The following NRXN1 variants were observed in gnomAD, a reference collection of about 807,000 sequenced individuals.
The protein encoded by NRXN1 is neurexin-1.
A neutral mutation model predicts 150.9 loss-of-function variants in NRXN1; 39 were observed. The ratio of observed to expected loss-of-function variants is 0.26; its 90% confidence interval spans 0.20 to 0.34. The LOEUF is 0.34. NRXN1 is among the 10% of genes least tolerant of loss of function. The pLI, the probability that NRXN1 is intolerant of heterozygous loss-of-function variation, is 1.00. For missense variants in NRXN1, 1,815 were observed against 1,949.9 expected, an observed-to-expected ratio of 0.93 and a Z score of 1.30; for synonymous variants, 924 against 757.0, an observed-to-expected ratio of 1.22 and a Z score of -3.62.
At chr2:50,104,793 T>C (rs1573936297) in intron 18 of NRXN1, among the ~76,000 whole-genome samples, 1 of 152,022 alleles carries the variant, frequency 6.6e-6, no homozygotes, top group South Asian at 2.1e-4. Flanking sequence ...TCTGAGGAAG[T>C]CCAACATGCT....
At chr2:50,578,525 A>G (rs1671772201) in intron 8 of NRXN1, among the ~76,000 whole-genome samples, 1 of 152,148 alleles carries the variant, frequency 6.6e-6, no homozygotes, top group Non-Finnish European at 1.5e-5. Flanking sequence ...CTATAGTACA[A>G]TATCACAACC....
chr2:49,942,612 AT>A lies in NRXN1; in HGVS notation c.4216+1091del, dbSNP rs1491345406. ...CAATATTATTATTATTATTATTATT[AT>A]TTTATTATTATTTTGAGACAAAATC... On this transcript the variant is annotated intron_variant, in intron 22 of 22. Transcript: ENST00000401669. Among the ~76,000 whole-genome samples the A allele has an allele frequency of 2.0e-5, 3 of 149,106 alleles. No individual in the cohort carries two copies. The South Asian group carries it at 6.3e-4, about 31-fold the overall frequency.
intron 2 of NRXN1, among the ~76,000 whole-genome samples, chr2:50,959,547 G>C (rs1410719799): frequency 6.6e-6 from 1 of 151,994 alleles, no homozygotes. Flanking sequence ...TGAACAGGTA[G>C]GTCTATAGAG....
rs34870955 is a variant in NRXN1, at chr2:50,627,357, A to ATGTGTGTGTG, written c.833-3752_833-3743dup. 1.8e-3 allele frequency among the ~76,000 whole-genome samples: 258 copies of ATGTGTGTGTG among 143,622 alleles called. 3 individuals are homozygous for ATGTGTGTGTG. The highest frequency in any genetic ancestry group is 9.1e-3 in the East Asian group (43 of 4,712). The allele number at this position is 143,622 out of a possible 152,430, so 94.2% of individuals were successfully genotyped here. A position where few individuals can be genotyped will look rare whatever the true frequency, so the allele number is the denominator to read the frequency against. On this transcript the variant is annotated intron_variant, in intron 5 of 22. Coordinates refer to ENST00000401669, the MANE Select transcript of NRXN1 (RefSeq NM_001330078.2). ...TAGTCAAGTGGGTTCTGGTTCATGTATGTGTGTGTGTGTGTGTGTGTGTGT... is the reference window on the plus strand; with the variant it reads ...TAGTCAAGTGGGTTCTGGTTCATGTATGTGTGTGTGTGTGTGTGTGTGTGTGTGTGTGTGT...
chr2:50,661,794 C>T (rs1687339899), intron 5 of NRXN1, among the ~76,000 whole-genome samples: 1 of 152,032 alleles, frequency 6.6e-6, no homozygotes, highest in Non-Finnish European at 1.5e-5. Flanking sequence ...ATCCTGGATA[C>T]TTTTATATTA....
At chr2:50,429,785 T>A (rs1373903078) in intron 17 of NRXN1, among the ~76,000 whole-genome samples, 1 of 152,134 alleles carries the variant, frequency 6.6e-6, no homozygotes, top group Non-Finnish European at 1.5e-5. Flanking sequence ...TCATGAGTTG[T>A]GCCCCATCAA....
intron 8 of NRXN1, among the ~76,000 whole-genome samples, chr2:50,568,370 G>T (rs1439515619): frequency 6.6e-6 from 1 of 152,104 alleles, no homozygotes; most frequent in Non-Finnish European, 1.5e-5. Flanking sequence ...CACAGAATGG[G>T]AGACGATATC....
intron 18 of NRXN1, among the ~76,000 whole-genome samples, chr2:50,133,787 CAG>C (rs1042799521): frequency 7.2e-5 from 11 of 152,088 alleles, no homozygotes; most frequent in Non-Finnish European, 1.5e-4. Context: ...TTGCTATTAA[CAG>C]ATTAAAAAAC....
At chr2:50,043,225 A>G (rs2152594837) in intron 21 of NRXN1, among the ~76,000 whole-genome samples, 1 of 152,320 alleles carries the variant, frequency 6.6e-6, no homozygotes, top group African/African-American at 2.4e-5. Context: ...GCCATTAAAT[A>G]AAAATGGAAA....
At chr2:50,136,490 A>G (rs1194817266) in intron 18 of NRXN1, among the ~76,000 whole-genome samples, 1 of 152,190 alleles carries the variant, frequency 6.6e-6, no homozygotes. Flanking sequence ...TTTGTCTCTA[A>G]TATCACAGCT....
chr2:50,178,870 C>T (rs989277917), intron 18 of NRXN1, among the ~76,000 whole-genome samples: 1 of 152,146 alleles, frequency 6.6e-6, no homozygotes, highest in African/African-American at 2.4e-5. Context: ...TAGTTGAAAT[C>T]AGGCAGTAGT....
chr2:50,397,055 T>C (rs2082097975), intron 17 of NRXN1, among the ~76,000 whole-genome samples: 1 of 152,068 alleles, frequency 6.6e-6, no homozygotes, highest in South Asian at 2.1e-4. Context: ...TGGTCTCAGG[T>C]CTTCAGGTGA....
At chr2:50,778,378 A>T (rs986693888) in intron 5 of NRXN1, among the ~76,000 whole-genome samples, 3 of 152,248 alleles carry the variant, frequency 2.0e-5, no homozygotes, top group African/African-American at 7.2e-5. Flanking sequence ...GTTTTTAAAT[A>T]GACTGTTACT....
intron 8 of NRXN1, among the ~76,000 whole-genome samples, chr2:50,594,991 T>A (rs1274629593): frequency 1.3e-5 from 2 of 148,644 alleles, no homozygotes; most frequent in African/African-American, 5.0e-5. Context: ...AGAGTTGACC[T>A]CTCTTCTTAA....
intron 8 of NRXN1, among the ~76,000 whole-genome samples, chr2:50,594,961 G>C (rs1299016534): frequency 1.3e-5 from 2 of 150,422 alleles, no homozygotes; most frequent in African/African-American, 2.5e-5. Context: ...TGAGCACTGA[G>C]AGGAATTCTA....
intron 5 of NRXN1, among the ~76,000 whole-genome samples, chr2:50,777,006 GA>G (rs1703730594): frequency 6.6e-6 from 1 of 152,080 alleles, no homozygotes; most frequent in South Asian, 2.1e-4. Flanking sequence ...ATCTGCCTGA[GA>G]AAACCCTTTG....
chr2:49,978,944 T>C (rs779408715), intron 21 of NRXN1, among the ~76,000 whole-genome samples: 1 of 152,172 alleles, frequency 6.6e-6, no homozygotes, highest in African/African-American at 2.4e-5. Context: ...TCAGTGAACC[T>C]GATATTGACA....
chr2:50,276,681 T>C (rs1188660114), intron 17 of NRXN1, among the ~76,000 whole-genome samples: 1 of 152,186 alleles, frequency 6.6e-6, no homozygotes, highest in Non-Finnish European at 1.5e-5. Flanking sequence ...TTTGCTTCCC[T>C]AGCGAAAACT....
chr2:50,503,547 G>A (rs1039405266), intron 13 of NRXN1, among the ~76,000 whole-genome samples: 3 of 128,120 alleles, frequency 2.3e-5, no homozygotes, highest in African/African-American at 9.4e-5. Context: ...AAGAAAAAAA[G>A]AGAAATGAAA....
Sources: gnomAD v4.1 joint callset for allele counts (sites outside exome capture counted in the v4.1 genomes callset) on GRCh38, gnomAD v4.1.1 for gene constraint, MANE v1.5 for transcripts, NCBI Gene and HGNC (gene_info 2026-07-23, HGNC 2026-07-21) for gene names.